Variants in USP37 observed in about 807,000 individuals in gnomAD.
The protein encoded by USP37 is ubiquitin specific peptidase 37.
Under a neutral mutation model 124.0 loss-of-function variants are expected in USP37, and 27 were observed. That is an observed-to-expected ratio of 0.22 (90% confidence interval 0.16 to 0.30). USP37 has a LOEUF of 0.30. Ranked by LOEUF, USP37 falls within the 10% of genes least tolerant of loss-of-function variation. The pLI is 1.00. For missense variants in USP37, 889 were observed against 1,140.4 expected (o/e 0.78, Z 3.17); for synonymous variants, 365 against 388.0 (o/e 0.94, Z 0.70).
chr2:218,530,550 T>C (rs1559211296), intron 9 of USP37, among the ~76,000 whole-genome samples: 1 of 152,136 alleles, frequency 6.6e-6, no homozygotes, highest in Non-Finnish European at 1.5e-5. Context: ...CCTGAGACAA[T>C]ATATTGAAAT....
At chr2:218,566,262 T>C (rs190827356) in intron 1 of USP37, among the ~76,000 whole-genome samples, 64 of 152,212 alleles carry the variant, frequency 4.2e-4, no homozygotes, top group African/African-American at 1.4e-3. Context: ...CCAAAGGCCT[T>C]GAATTGTAAA....
chr2:218,556,793 G>A (rs1050195981), intron 4 of USP37, among the ~76,000 whole-genome samples: 2 of 150,146 alleles, frequency 1.3e-5, no homozygotes, highest in African/African-American at 2.5e-5. Flanking sequence ...GATTACAGAC[G>A]TGAGCCATCA....
intron 20 of USP37, among the ~76,000 whole-genome samples, chr2:218,472,833 A>G (rs1690769869): frequency 6.6e-6 from 1 of 152,186 alleles, no homozygotes; most frequent in East Asian, 1.9e-4. Flanking sequence ...GAATATTAAC[A>G]GTAATTCTAT....
intron 10 of USP37, among the ~76,000 whole-genome samples, chr2:218,512,028 T>C (rs911962907): frequency 6.6e-6 from 1 of 152,180 alleles, no homozygotes; most frequent in Admixed American, 6.5e-5. Context: ...AACCAATTGT[T>C]CCCAAATTAC....
chr2:218,472,530 AT>A (rs972373373), intron 20 of USP37, among the ~76,000 whole-genome samples: 1 of 151,686 alleles, frequency 6.6e-6, no homozygotes, highest in African/African-American at 2.4e-5. Flanking sequence ...ATGGTGCAAT[AT>A]CGGCTCACTG....
intron 11 of USP37, among the ~76,000 whole-genome samples, chr2:218,508,216 T>C (rs1689781277): frequency 6.6e-6 from 1 of 152,160 alleles, no homozygotes; most frequent in Non-Finnish European, 1.5e-5. Flanking sequence ...GTGAGGAACA[T>C]TGCAATTAGG....
At chr2:218,511,837 T>C (rs927799052) in intron 10 of USP37, among the ~76,000 whole-genome samples, 1 of 151,888 alleles carries the variant, frequency 6.6e-6, no homozygotes, top group Admixed American at 6.6e-5. Context: ...GATTTTTGTA[T>C]CTTGTATTTT....
rs550673521 is a variant in USP37 at position 218,486,053 on chromosome 2, T to C, written c.1591-310A>G. 3 of 260,498 alleles carry C rather than the reference T, an allele frequency of 1.2e-5. No homozygotes were observed. The South Asian group carries it at 3.5e-4, about 30-fold the overall frequency. The allele number at this position is 260,498 out of a possible 1,614,324, so 16.1% of individuals were successfully genotyped here. On this transcript the variant is annotated intron_variant, in intron 15 of 25. Coordinates refer to ENST00000258399, the MANE Select transcript of USP37 (RefSeq NM_020935.3). ...TTTCAGCCTTTTCCCCATGGACACA[T>C]ATGAACCACTACCAAGAGTATATCC...
intron 11 of USP37, among the ~76,000 whole-genome samples, chr2:218,503,640 G>A (rs767808621): frequency 4.6e-5 from 7 of 152,244 alleles, no homozygotes; most frequent in East Asian, 1.9e-4. Flanking sequence ...GCTTGAACCC[G>A]GGAGGCGGAG....
At chr2:218,529,477 C>CA (rs71403049) in intron 10 of USP37, among the ~76,000 whole-genome samples, 42,554 of 112,714 alleles carry the variant, frequency 0.38, 6,910 homozygotes, top group Non-Finnish European at 0.44. Flanking sequence ...TGGTCTCAAA[C>CA]AAAAAAAAAA....
intron 6 of USP37, among the ~76,000 whole-genome samples, chr2:218,548,781 T>G (rs1574954253): frequency 6.6e-6 from 1 of 152,236 alleles, no homozygotes; most frequent in Non-Finnish European, 1.5e-5. Flanking sequence ...TTAAATTTAA[T>G]GTTAGTTATG....
chr2:218,466,448 C>G (rs1690328313), intron 20 of USP37, among the ~76,000 whole-genome samples: 1 of 152,044 alleles, frequency 6.6e-6, no homozygotes. Flanking sequence ...CCTCTACCTA[C>G]TAGATATTAG....
intron 16 of USP37, among the ~76,000 whole-genome samples, chr2:218,484,738 G>A (rs1318267713): frequency 6.6e-6 from 1 of 151,526 alleles, no homozygotes; most frequent in Non-Finnish European, 1.5e-5. Context: ...CTAGGTTCCA[G>A]AAATTCCACA....
intron 8 of USP37, among the ~76,000 whole-genome samples, chr2:218,544,156 G>A: frequency 6.6e-6 from 1 of 151,906 alleles, no homozygotes. Context: ...GAGGCGGGCA[G>A]ATCACTTGAG....
At chr2:218,537,807 C>A (rs916724721) in intron 8 of USP37, among the ~76,000 whole-genome samples, 3 of 152,146 alleles carry the variant, frequency 2.0e-5, no homozygotes, top group Non-Finnish European at 4.4e-5. Flanking sequence ...CAGCCCAGAC[C>A]TTGTAAAGCA....
At chr2:218,557,945 A>AAAAAAAAAAAAAAAAAAAAAAAAAC (rs1559230844) in intron 4 of USP37, among the ~76,000 whole-genome samples, 1 of 148,574 alleles carries the variant, frequency 6.7e-6, no homozygotes, top group African/African-American at 2.4e-5. Context: ...AAAAAAAAAA[A>AAAAAAAAAAAAAAAAAAAAAAAAAC]AAAAAGGTGA....
At chr2:218,512,275 C>T (rs530980262) in intron 10 of USP37, among the ~76,000 whole-genome samples, 6 of 152,012 alleles carry the variant, frequency 3.9e-5, no homozygotes, top group African/African-American at 1.2e-4. Context: ...GGGAGGCCAA[C>T]GGAGGCGCAT....
At chr2:218,517,015 G>T (rs193170684) in intron 10 of USP37, among the ~76,000 whole-genome samples, 1 of 152,004 alleles carries the variant, frequency 6.6e-6, no homozygotes, top group Admixed American at 6.6e-5. Flanking sequence ...ATGTTTACTT[G>T]TTCAATCCAA....
chr2:218,488,224 GA>G (rs889485627), intron 15 of USP37, 79 bp downstream of exon 15: 78 of 617,844 alleles, frequency 1.3e-4, no homozygotes, highest in Non-Finnish European at 1.9e-4. Context: ...TTGCCTTGAA[GA>G]AACCAACTTC....
Sources: gnomAD v4.1 joint callset for allele counts (sites outside exome capture counted in the v4.1 genomes callset) on GRCh38, gnomAD v4.1.1 for gene constraint, MANE v1.5 for transcripts, NCBI Gene and HGNC (gene_info 2026-07-23, HGNC 2026-07-21) for gene names.